ZNF814: variants seen among roughly 807,000 people sequenced by gnomAD.
ZNF814 encodes zinc finger protein 814.
In ZNF814, 5 loss-of-function variants were observed where a neutral mutation model predicts 7.5. That is an observed-to-expected ratio of 0.67 (90% CI 0.35 to 1.40). The LOEUF is 1.40. ZNF814 is among the 40% of genes most tolerant of loss of function. The pLI is 0.04. For synonymous variants in ZNF814, 315 were observed against 340.7 expected, an observed-to-expected ratio of 0.92 and a Z score of 0.83; for missense variants, 962 against 1,018.0, an observed-to-expected ratio of 0.94 and a Z score of 0.75.
upstream of ZNF814, among the ~76,000 whole-genome samples, chr19:57,890,288 T>TA (rs1274246676): frequency 1.5e-5 from 2 of 136,394 alleles, no homozygotes; most frequent in Non-Finnish European, 3.3e-5. Flanking sequence ...ACTGGAGTCT[T>TA]ACTAGTATTA....
the ZNF814 span, among the ~76,000 whole-genome samples, chr19:57,900,839 A>ATTTTTTTTTTTTTTTTTTTTT: frequency 4.6e-3 from 210 of 45,770 alleles, 67 homozygotes; most frequent in Non-Finnish European, 6.2e-3. Context: ...CCATGGCTGC[A>ATTTTTTTTTTTTTTTTTTTTT]TTTTTTTTTT....
rs2071595782 is a variant in ZNF814 at position 57,875,138 on chromosome 19, TG to T, written c.251del (p.Ala84GlufsTer137). 6.4e-7 allele frequency: 1 copy of T among 1,559,302 alleles called. No individual in the cohort carries two copies. The highest frequency in any genetic ancestry group is 8.7e-7 in the Non-Finnish European group (1 of 1,150,356). On this transcript the variant is annotated frameshift_variant, in exon 3 of 3. Transcript: ENST00000435989. LOFTEE classifies it low-confidence loss of function (END_TRUNC). Reference sequence around the variant, plus strand: ...GGTGGGCCTTCTTGGGAGACACACCTGCCATAGGAGTCCTGACCTGAGTCTC... The same window carrying T: ...GGTGGGCCTTCTTGGGAGACACACCTCCATAGGAGTCCTGACCTGAGTCTC... ...QRETQVRTPM[A>X]GVSPKKAHPC... is the part of the protein sequence containing the mutation.
chr19:57,900,839 A>AGTTTTTTTTTTT, the ZNF814 span, among the ~76,000 whole-genome samples: 1 of 45,782 alleles, frequency 2.2e-5, no homozygotes, highest in East Asian at 7.7e-4. Context: ...CCATGGCTGC[A>AGTTTTTTTTTTT]TTTTTTTTTT....
intron 1 of ZNF814, chr19:57,885,955 G>A (rs1409102797): frequency 8.4e-6 from 1 of 118,660 alleles, no homozygotes; most frequent in Non-Finnish European, 1.6e-5. Flanking sequence ...CAGTCTGGAT[G>A]ACAGAGTGAG....
At chr19:57,900,837 GCA>G in the ZNF814 span, among the ~76,000 whole-genome samples, 1 of 68,970 alleles carries the variant, frequency 1.4e-5, no homozygotes, top group Non-Finnish European at 3.2e-5. Context: ...AGCCATGGCT[GCA>G]TTTTTTTTTT....
chr19:57,875,126 G>C lies in ZNF814; in HGVS notation c.264C>G (p.Pro88=), dbSNP rs2071595560. ...ACATCTCACAGGGGTGGGCCTTCTT[G>C]GGAGACACACCTGCCATAGGAGTCC... ...QVRTPMAGVS[P]KKAHPCEMCG... The change falls in exon 3 of 3, where the codon CCC becomes CCG. Residue 88 remains proline, a synonymous_variant. Coordinates refer to ENST00000435989, the MANE Select transcript of ZNF814 (RefSeq NM_001144989.2). The C allele has an allele frequency of 6.4e-7, 1 of 1,561,582 alleles. No homozygotes were observed. The highest frequency in any genetic ancestry group is 1.4e-5 in the African/African-American group (1 of 73,658).
chr19:57,902,754 T>C, the ZNF814 span, among the ~76,000 whole-genome samples: 5 of 151,794 alleles, frequency 3.3e-5, no homozygotes, highest in African/African-American at 1.2e-4. Context: ...TCTGCCTCCC[T>C]GGTTCATGCC....
the ZNF814 span, among the ~76,000 whole-genome samples, chr19:57,897,154 C>T: frequency 2.6e-4 from 40 of 152,112 alleles, no homozygotes; most frequent in Non-Finnish European, 1.3e-4. Flanking sequence ...CAAAACAGCT[C>T]AAGATGTTGT....
At chr19:57,891,738 C>T (rs1007980694), upstream of ZNF814, among the ~76,000 whole-genome samples, 3 of 150,838 alleles carry the variant, frequency 2.0e-5, no homozygotes, top group Non-Finnish European at 2.9e-5. Flanking sequence ...GGAGTACCCA[C>T]TCTTTTATTC....
chr19:57,883,459 G>A (rs1427276871), intron 1 of ZNF814, among the ~76,000 whole-genome samples: 2 of 151,486 alleles, frequency 1.3e-5, no homozygotes, highest in Non-Finnish European at 2.9e-5. Flanking sequence ...TCAAGAGATC[G>A]AGACTATTCT....
At chr19:57,885,386 T>TTCGGGAGGC (rs1389744009) in intron 1 of ZNF814, among the ~76,000 whole-genome samples, 1 of 149,768 alleles carries the variant, frequency 6.7e-6, no homozygotes, top group Non-Finnish European at 1.5e-5. Context: ...ATCTCAGCAC[T>TTCGGGAGGC]TCGGGAGGCT....
Position 57,875,162 on chromosome 19 carries a change from C to T in ZNF814, c.228G>A (p.Glu76=). ...PSKQSIYIQR[E]TQVRTPMAGV... ...CTGCCATAGGAGTCCTGACCTGAGT[C>T]TCTCTTTGTATATAAATACTCTGCT... Residue 76 remains glutamate, a synonymous_variant, in exon 3 of 3, where the codon GAG becomes GAA. Coordinates refer to ENST00000435989, the MANE Select transcript of ZNF814 (RefSeq NM_001144989.2). The T allele has an allele frequency of 6.5e-7, 1 of 1,541,266 alleles. No individual in the cohort carries two copies. Among genetic ancestry groups the T allele is most frequent in the Non-Finnish European group, 8.7e-7 (1 of 1,143,220 alleles).
rs1404879928 is a variant in ZNF814 at position 57,873,885 on chromosome 19, C to T, written c.1505G>A (p.Ser502Asn). 6.2e-7 allele frequency: 1 copy of T among 1,612,404 alleles called. No individual in the cohort carries two copies. Among genetic ancestry groups the T allele is most frequent in the African/African-American group, 1.3e-5 (1 of 74,432 alleles). Residue 502 changes from serine (S) to asparagine (N), a missense_variant, in exon 3 of 3, where the codon AGT becomes AAT. Physicochemically the swap from Ser to Asn is conservative, Grantham distance 46 (BLOSUM62 1). Around this residue, in one of 7 missense-constraint regions of ZNF814, gnomAD observed 665 missense variants for 551.4 expected, o/e 1.21. Coordinates refer to ENST00000435989, the MANE Select transcript of ZNF814 (RefSeq NM_001144989.2). Reference sequence around the variant, plus strand: ...GTGTAGAACGAGGTTGCCCTTTTGACTGAAAGATTTCCCACATTCTCCACA... The same window carrying T: ...GTGTAGAACGAGGTTGCCCTTTTGATTGAAAGATTTCCCACATTCTCCACA... Reference protein sequence around the residue: ...YQCGECGKSFSQKGNLVLHQR... With the variant: ...YQCGECGKSFNQKGNLVLHQR...
the ZNF814 span, among the ~76,000 whole-genome samples, chr19:57,900,916 G>A: frequency 1.0e-4 from 13 of 129,526 alleles, no homozygotes; most frequent in African/African-American, 3.8e-4. Flanking sequence ...GACCAATCTC[G>A]GTTCACTGCA....
the ZNF814 span, among the ~76,000 whole-genome samples, chr19:57,899,535 T>G: frequency 6.6e-6 from 1 of 152,218 alleles, no homozygotes; most frequent in African/African-American, 2.4e-5. Flanking sequence ...GAGACATTAA[T>G]TGGATTTGTC....
chr19:57,885,321 C>CA (rs748029965), intron 1 of ZNF814, among the ~76,000 whole-genome samples: 8,533 of 128,980 alleles, frequency 0.066, 656 homozygotes, highest in African/African-American at 0.2. Context: ...GACTCCGTCT[C>CA]AAAAAAAAAA....
At chr19:57,902,335 C>T in the ZNF814 span, among the ~76,000 whole-genome samples, 11 of 152,140 alleles carry the variant, frequency 7.2e-5, no homozygotes, top group Non-Finnish European at 1.6e-4. Context: ...GAAGGGCCTT[C>T]TTATAAAATA....
At chr19:57,880,486 G>A (rs1280448958) in intron 1 of ZNF814, among the ~76,000 whole-genome samples, 1 of 151,574 alleles carries the variant, frequency 6.6e-6, no homozygotes, top group Non-Finnish European at 1.5e-5. Flanking sequence ...ATGGACTTAG[G>A]GCCTAGGGTT....
rs760789890 is a variant in ZNF814 at position 57,872,766 on chromosome 19, T to C, written c.*56A>G. On this transcript the variant is annotated 3_prime_UTR_variant, in exon 3 of 3. Coordinates refer to ENST00000435989, the MANE Select transcript of ZNF814 (RefSeq NM_001144989.2). ...TATGGCCTTTCTCCAGTGTGAACTC[T>C]CTGGTGTGCAATGAGGTGGTCCTTC... The C allele has an allele frequency of 1.2e-4, 192 of 1,607,596 alleles. No homozygotes were observed. The highest frequency in any genetic ancestry group is 1.6e-4 in the Non-Finnish European group (188 of 1,176,406).
Sources: allele counts gnomAD v4.1 joint callset (sites outside exome capture counted in the v4.1 genomes callset), GRCh38; gene constraint gnomAD v4.1.1; regional missense constraint gnomAD v4.1.1; transcripts MANE v1.5; gene names NCBI Gene and HGNC (gene_info 2026-07-23, HGNC 2026-07-21).